The following PIGF variants were observed in gnomAD, a reference collection of about 807,000 sequenced individuals.
The protein encoded by PIGF is phosphatidylinositol glycan anchor biosynthesis class F.
A neutral mutation model predicts 26.0 loss-of-function variants in PIGF; 23 were observed. The observed-to-expected ratio is 0.88, with a 90% CI of 0.64 to 1.25. The LOEUF (loss-of-function observed/expected upper bound fraction) is 1.25, where lower values mean the gene tolerates loss of function less well. PIGF is among the 50% of genes most tolerant of loss of function. The pLI, the probability that PIGF is intolerant of heterozygous loss-of-function variation, is 0.00. For missense variants in PIGF, 278 were observed against 249.9 expected, an observed-to-expected ratio of 1.11 and a Z score of -0.76; for synonymous variants, 93 against 92.6, an observed-to-expected ratio of 1.00 and a Z score of -0.03.
Position 46,581,752 on chromosome 2 carries a change from T to G in PIGF, c.547-161A>C, listed in dbSNP as rs1214367571. On this transcript the variant is annotated intron_variant, in intron 5 of 5. Transcript: ENST00000281382. Reference sequence around the variant, plus strand: ...CTGCATTTATCATGAACACTAAAAATGTACACATTTTAGTTAATGTGCATT... The same window carrying G: ...CTGCATTTATCATGAACACTAAAAAGGTACACATTTTAGTTAATGTGCATT... 8 of 1,037,688 alleles carry G rather than the reference T, an allele frequency of 7.7e-6. 1 individual carries two copies. The East Asian group carries it at 1.9e-4, about 24-fold the overall frequency. The allele number at this position is 1,037,688 out of a possible 1,614,324, so 64.3% of individuals were successfully genotyped here. A position where few individuals can be genotyped will look rare whatever the true frequency, so the allele number is the denominator to read the frequency against.
At chr2:46,610,252 CAGAACTA>C (rs1452043088) in intron 4 of PIGF, among the ~76,000 whole-genome samples, 4 of 152,166 alleles carry the variant, frequency 2.6e-5, no homozygotes, top group Non-Finnish European at 4.4e-5. Context: ...CACATTATAG[CAGAACTA>C]ATTGTAAAAT....
chr2:46,585,843 G>A (rs951377640), intron 5 of PIGF, among the ~76,000 whole-genome samples: 1 of 151,662 alleles, frequency 6.6e-6, no homozygotes, highest in Non-Finnish European at 1.5e-5. Context: ...GCACAATCTC[G>A]GCTCACTGCA....
chr2:46,606,257 C>T (rs1462221128), intron 4 of PIGF, among the ~76,000 whole-genome samples: 1 of 152,206 alleles, frequency 6.6e-6, no homozygotes, highest in Non-Finnish European at 1.5e-5. Flanking sequence ...CTCAGATCCC[C>T]TCGCAAGAGA....
At chr2:46,594,512 C>G (rs1034034289) in intron 4 of PIGF, among the ~76,000 whole-genome samples, 4 of 149,424 alleles carry the variant, frequency 2.7e-5, no homozygotes, top group African/African-American at 9.9e-5. Flanking sequence ...AGAAATAAGG[C>G]TGGAAAAGTA....
chr2:46,595,810 G>T (rs1438926602), intron 4 of PIGF, among the ~76,000 whole-genome samples: 1 of 152,094 alleles, frequency 6.6e-6, no homozygotes, highest in Non-Finnish European at 1.5e-5. Flanking sequence ...GGTGTGAAAT[G>T]GTATCATGGT....
At chr2:46,604,725 G>A (rs1670164548) in intron 4 of PIGF, among the ~76,000 whole-genome samples, 1 of 151,828 alleles carries the variant, frequency 6.6e-6, no homozygotes, top group Admixed American at 6.6e-5. Flanking sequence ...GTAGTAGTGG[G>A]GGTGGGGGGT....
At chr2:46,605,338 G>C (rs937028193) in intron 4 of PIGF, among the ~76,000 whole-genome samples, 4 of 152,004 alleles carry the variant, frequency 2.6e-5, no homozygotes, top group African/African-American at 9.7e-5. Context: ...TTACGTCAAA[G>C]TTCAAATTAA....
chr2:46,592,094 G>A (rs1478825637), intron 5 of PIGF, among the ~76,000 whole-genome samples: 1 of 152,136 alleles, frequency 6.6e-6, no homozygotes, highest in Non-Finnish European at 1.5e-5. Flanking sequence ...GCACACACCT[G>A]TAGTCCCAGC....
At chr2:46,606,801 T>C (rs1301509391) in intron 4 of PIGF, among the ~76,000 whole-genome samples, 3 of 152,312 alleles carry the variant, frequency 2.0e-5, no homozygotes, top group East Asian at 3.9e-4. Context: ...ACACAAATGT[T>C]TGATGCAGCT....
chr2:46,584,293 A>G (rs893211362), intron 5 of PIGF, among the ~76,000 whole-genome samples: 1 of 152,172 alleles, frequency 6.6e-6, no homozygotes, highest in African/African-American at 2.4e-5. Flanking sequence ...AACATTTAGG[A>G]TAATACTCTT....
In PIGF at chr2:46,592,493, A is replaced by T; in HGVS notation, c.528T>A (p.Asp176Glu). 6.3e-7 allele frequency: 1 copy of T among 1,592,226 alleles called. No homozygotes were observed. Among genetic ancestry groups the T allele is most frequent in the Non-Finnish European group, 8.6e-7 (1 of 1,159,944 alleles). The stretch of plus-strand genomic sequence containing the variant: ...AACCAACCTGCCATGGTCTTTCCCA[A>T]TCCAGTGGAATAGGAAGTGCTCCAA... ...AWLGALPIPL[D>E]WERPWQVWPI... Residue 176 changes from aspartate to glutamate, a missense_variant, in exon 5 of 6, where the codon GAT becomes GAA. Coordinates refer to ENST00000281382, the MANE Select transcript of PIGF (RefSeq NM_002643.4).
At chr2:46,607,731 A>G (rs954420696) in intron 4 of PIGF, among the ~76,000 whole-genome samples, 1 of 151,456 alleles carries the variant, frequency 6.6e-6, no homozygotes, top group Non-Finnish European at 1.5e-5. Context: ...GTCTCGCTCT[A>G]TCGCCCAGGC....
At chr2:46,613,613 C>G (rs1670498269) in intron 3 of PIGF, 81 bp downstream of exon 3, 1 of 983,556 alleles carries the variant, frequency 1.0e-6, no homozygotes, top group African/African-American at 1.7e-5. Context: ...CATGGTTTTT[C>G]TCTAGTTGCT....
intron 5 of PIGF, among the ~76,000 whole-genome samples, chr2:46,586,314 A>G (rs1016897774): frequency 2.6e-5 from 4 of 152,238 alleles, no homozygotes; most frequent in Non-Finnish European, 5.9e-5. Context: ...GCTCATATGA[A>G]TGACTCCATT....
chr2:46,590,505 T>C (rs896213), intron 5 of PIGF, among the ~76,000 whole-genome samples: 107,737 of 149,952 alleles, frequency 0.72, 39,061 homozygotes, highest in African/African-American at 0.87. Context: ...ACCTTTACAC[T>C]CTAATGTATT....
intron 5 of PIGF, chr2:46,591,659 A>C (rs1669725321): frequency 3.1e-5 from 30 of 955,976 alleles, no homozygotes; most frequent in Non-Finnish European, 3.7e-5. Context: ...ATAAGTTATA[A>C]AGTATATAAT....
chr2:46,610,615 C>G (rs918722716), intron 4 of PIGF, among the ~76,000 whole-genome samples: 3 of 150,060 alleles, frequency 2.0e-5, no homozygotes, highest in African/African-American at 7.4e-5. Flanking sequence ...CTGCAACCTC[C>G]GCCTCCTGGG....
Position 46,588,509 on chromosome 2 carries a change from T to C in PIGF, c.546+3966A>G, listed in dbSNP as rs1669643594. The C allele has an allele frequency of 5.4e-6, 1 of 184,480 alleles. No individual in the cohort carries two copies. The highest frequency in any genetic ancestry group is 1.1e-5 in the Non-Finnish European group (1 of 87,992). The allele number at this position is 184,480 out of a possible 1,614,324, so 11.4% of individuals were successfully genotyped here. ...ATTTTAGAGGGATTTTATTATTTCA[T>C]CCTCACTAGCAAGTGACAAAGCCAG... On this transcript the variant is annotated intron_variant, in intron 5 of 5. Coordinates refer to ENST00000281382, the MANE Select transcript of PIGF (RefSeq NM_002643.4). The surrounding 1 kb of genome is among the most constrained non-coding windows in gnomAD (Gnocchi z 4.1).
intron 2 of PIGF, 200 bp downstream of exon 2, chr2:46,614,737 T>C: frequency 4.1e-6 from 2 of 490,878 alleles, no homozygotes; most frequent in South Asian, 5.0e-5. Flanking sequence ...CATAATTCCA[T>C]AATTAATGCA....
Sources: gnomAD v4.1 joint callset for allele counts (sites outside exome capture counted in the v4.1 genomes callset) on GRCh38, gnomAD v4.1.1 for gene constraint, Gnocchi (gnomAD v3.1) non-coding constraint, MANE v1.5 for transcripts, NCBI Gene and HGNC (gene_info 2026-07-23, HGNC 2026-07-21) for gene names.